The following DNAH6 variants were observed in gnomAD, a reference collection of about 807,000 sequenced individuals.
DNAH6 encodes the protein dynein axonemal heavy chain 6, also known as axonemal beta dynein heavy chain 6.
DNAH6 carries 340 observed loss-of-function variants against 491.4 expected under a neutral mutation model. That is an observed-to-expected ratio of 0.69 (90% CI 0.63 to 0.76). The LOEUF (loss-of-function observed/expected upper bound fraction) is 0.76. DNAH6 is among the 30% of genes least tolerant of loss of function. The pLI is 0.00. For missense variants in DNAH6, 4,443 were observed against 4,972.2 expected, an observed-to-expected ratio of 0.89 and a Z score of 3.20; for synonymous variants, 1,603 against 1,686.1, an observed-to-expected ratio of 0.95 and a Z score of 1.21.
At chr2:84,734,377 T>C (rs1558976133) in intron 62 of DNAH6, among the ~76,000 whole-genome samples, 1 of 152,062 alleles carries the variant, frequency 6.6e-6, no homozygotes, top group African/African-American at 2.4e-5. Flanking sequence ...CCTGACCTCA[T>C]GATCCGCCTG....
Position 84,808,452 on chromosome 2 carries a change from T to C in DNAH6, c.11649T>C (p.Phe3883=). 1 of 1,545,722 alleles carries C rather than the reference T, an allele frequency of 6.5e-7. No individual in the cohort carries two copies. Among genetic ancestry groups the C allele is most frequent in the South Asian group, 1.2e-5 (1 of 82,150 alleles). The change falls in exon 72 of 77, where the codon TTT becomes TTC. Residue 3883 remains phenylalanine, a synonymous_variant. Transcript: ENST00000389394. The part of the protein sequence containing the change: ...LEMEGASESL[F]VKDLQGRLNS... ...TGGAGGGTGCTTCTGAGAGCCTTTT[T>C]GTCAAGGATCTTCAAGGACGTCTGA...
At chr2:84,596,318 T>TTTG (rs1445191010) in intron 18 of DNAH6, among the ~76,000 whole-genome samples, 4 of 152,098 alleles carry the variant, frequency 2.6e-5, no homozygotes, top group Non-Finnish European at 2.9e-5. Flanking sequence ...TAGGGTGTTT[T>TTTG]TTGTTGTTGT....
At chr2:84,728,677 T>C (rs1309335483) in intron 61 of DNAH6, among the ~76,000 whole-genome samples, 1 of 152,238 alleles carries the variant, frequency 6.6e-6, no homozygotes, top group Admixed American at 6.5e-5. Flanking sequence ...TGTATCTCAT[T>C]ATAAAGCATG....
chr2:84,575,889 A>G (rs1272731707), intron 12 of DNAH6, among the ~76,000 whole-genome samples: 2 of 152,200 alleles, frequency 1.3e-5, no homozygotes, highest in Admixed American at 1.3e-4. Flanking sequence ...GTCTCAAAAA[A>G]AAAGGAGAAA....
Position 84,616,872 on chromosome 2 carries a change from T to G in DNAH6, c.3476-14T>G. 1 of 1,406,454 alleles carries G rather than the reference T, an allele frequency of 7.1e-7. No homozygotes were observed. The highest frequency in any genetic ancestry group is 1.6e-5 in the South Asian group (1 of 62,104). The allele number at this position is 1,406,454 out of a possible 1,614,324, so 87.1% of individuals were successfully genotyped here. A position where few individuals can be genotyped will look rare whatever the true frequency, so the allele number is the denominator to read the frequency against. Reference sequence around the variant, plus strand: ...AACACAGTTTTACCAATACTATTTTTTTTTAATGAACAGGACTTCTGGAAA... The same window carrying G: ...AACACAGTTTTACCAATACTATTTTGTTTTAATGAACAGGACTTCTGGAAA... On this transcript the variant is annotated splice_polypyrimidine_tract_variant and intron_variant, in intron 22 of 76. Transcript: ENST00000389394.
At chr2:84,640,733 G>C (rs963795923) in intron 32 of DNAH6, among the ~76,000 whole-genome samples, 155 bp downstream of exon 32, 5 of 152,190 alleles carry the variant, frequency 3.3e-5, no homozygotes, top group African/African-American at 4.8e-5. Flanking sequence ...ATGACAGATT[G>C]ACACAGGCTC....
chr2:84,497,450 A>G, the DNAH6 span, among the ~76,000 whole-genome samples: 16 of 152,190 alleles, frequency 1.1e-4, no homozygotes, highest in Non-Finnish European at 1.8e-4. Context: ...ACTTTGTTTC[A>G]TTTCGCAAGG....
Position 84,722,675 on chromosome 2 carries a change from G to A in DNAH6, c.9843G>A (p.Glu3281=), listed in dbSNP as rs1362751886. The A allele has an allele frequency of 6.4e-7, 1 of 1,550,860 alleles. No homozygotes were observed. The highest frequency in any genetic ancestry group is 1.2e-5 in the South Asian group (1 of 83,792). Residue 3281 remains glutamate, a synonymous_variant, in exon 60 of 77, where the codon GAG becomes GAA. Transcript: ENST00000389394. ...GGCTGGAAGAAGCAGAGTCCACTGA[G>A]CAGATGATCAATGTGGCTCGTGAGA... is the stretch of plus-strand genomic sequence containing the variant. ...KTRLEEAEST[E]QMINVAREKY... is the part of the protein sequence containing the mutation.
In DNAH6 at chr2:84,547,555, T is replaced by A; in HGVS notation, c.1129T>A (p.Phe377Ile). 6.4e-7 allele frequency: 1 copy of A among 1,551,848 alleles called. No individual in the cohort carries two copies. Among genetic ancestry groups the A allele is most frequent in the Non-Finnish European group, 8.7e-7 (1 of 1,146,986 alleles). The change falls in exon 7 of 77, where the codon TTT (phenylalanine) becomes ATT (isoleucine). Residue 377 changes from phenylalanine to isoleucine, a missense_variant. By Grantham distance (21) the Phe-to-Ile change is conservative. Coordinates refer to ENST00000389394, the MANE Select transcript of DNAH6 (RefSeq NM_001370.2). ...AKYVVRRACRFALRAAGFVPD... is the reference protein window; with the variant it reads ...AKYVVRRACRIALRAAGFVPD... ...ATATGTAGTCAGGAGGGCTTGTCGA[T>A]TTGCTTTGCGTGCTGCAGGATTTGT...
Position 84,722,639 on chromosome 2 carries a change from C to T in DNAH6, c.9807C>T (p.Ala3269=), listed in dbSNP as rs146647563. 822 of 1,548,650 alleles carry T rather than the reference C, an allele frequency of 5.3e-4. 7 individuals are homozygous for T. The African/African-American group carries it at 0.01, about 20-fold the overall frequency. ...TLQDSKITSG[A]IKTRLEEAES... is the part of the protein sequence containing the mutation. ...TGTTTATTCAGATCACTTCTGGTGC[C>T]ATTAAAACCAGGCTGGAAGAAGCAG... is the stretch of plus-strand genomic sequence containing the variant. Residue 3269 remains alanine (A), a synonymous_variant, in exon 60 of 77, where the codon GCC becomes GCT. Transcript: ENST00000389394.
chr2:84,636,596 A>G (rs1015133998), intron 30 of DNAH6, among the ~76,000 whole-genome samples: 1 of 152,196 alleles, frequency 6.6e-6, no homozygotes, highest in African/African-American at 2.4e-5. Context: ...GCTGTTAAGT[A>G]AAAGTGAAGG....
At chr2:84,608,824 A>G (rs1400329988) in intron 21 of DNAH6, among the ~76,000 whole-genome samples, 1 of 152,194 alleles carries the variant, frequency 6.6e-6, no homozygotes, top group Non-Finnish European at 1.5e-5. Context: ...GGCATTGGCT[A>G]ATCTTCATTA....
At chr2:84,620,362 A>G (rs987989501) in intron 24 of DNAH6, among the ~76,000 whole-genome samples, 2 of 152,196 alleles carry the variant, frequency 1.3e-5, no homozygotes, top group African/African-American at 4.8e-5. Context: ...AGCACTATTT[A>G]AGTGTTAGTT....
In DNAH6 at chr2:84,713,105, C is replaced by A; in HGVS notation, c.9389C>A (p.Thr3130Asn). ...GTTTTAATTTCTAAGCTTAAGGAAA[C>A]CTTGGATCCAGCTCTAGAACCCATT... ...LPVLLEELKE[T>N]LDPALEPILL... The change falls in exon 57 of 77, where the codon ACC becomes AAC. Residue 3130 changes from threonine (T) to asparagine (N), a missense_variant. Physicochemically the swap from Thr to Asn is moderately conservative, Grantham distance 65. Transcript: ENST00000389394. 1 of 1,550,386 alleles carries A rather than the reference C, an allele frequency of 6.5e-7. No homozygotes were observed. The highest frequency in any genetic ancestry group is 8.7e-7 in the Non-Finnish European group (1 of 1,146,448).
rs1283803037 is a variant in DNAH6 at position 84,553,370 on chromosome 2, TTTC to T, written c.1602+339_1602+341del. On this transcript the variant is annotated intron_variant, in intron 10 of 76. Coordinates refer to ENST00000389394, the MANE Select transcript of DNAH6 (RefSeq NM_001370.2). ...CTTTCTTTTCTTTTCTTTTCTTTTC[TTTC>T]TTTCTTTCTTTCTTTCTTTCTTTCT... Among the ~76,000 whole-genome samples, 15 of 10,838 alleles carry T rather than the reference TTTC, an allele frequency of 1.4e-3. No individual in the cohort carries two copies. In the South Asian group the frequency reaches 0.018, roughly 13 times the overall value. The allele number at this position is 10,838 out of a possible 152,430, so 7.1% of individuals were successfully genotyped here. A position where few individuals can be genotyped will look rare whatever the true frequency, so the allele number is the denominator to read the frequency against.
chr2:84,579,584 G>A lies in DNAH6; in HGVS notation c.2134G>A (p.Glu712Lys). The A allele has an allele frequency of 1.4e-5, 23 of 1,613,728 alleles. No homozygotes were observed. The highest frequency in any genetic ancestry group is 1.9e-5 in the Non-Finnish European group (23 of 1,179,812). Residue 712 changes from glutamate (E) to lysine (K), a missense_variant, in exon 14 of 77, where the codon GAG becomes AAG. By Grantham distance (56) the Glu-to-Lys change is moderately conservative. Around this residue, in one of 3 missense-constraint regions of DNAH6, gnomAD observed 2,977 missense variants for 3,296.6 expected, o/e 0.90. Transcript: ENST00000389394. Reference sequence around the variant, plus strand: ...GAAAAAAGTGGATGCCATTATCTTTGAGGCACAAGATGCAGAGTATAAACT... The same window carrying A: ...GAAAAAAGTGGATGCCATTATCTTTAAGGCACAAGATGCAGAGTATAAACT... ...SKKKVDAIIF[E>K]AQDAEYKLEF... is the part of the protein sequence containing the mutation.
intron 46 of DNAH6, among the ~76,000 whole-genome samples, chr2:84,697,354 G>A (rs1325114532): frequency 6.6e-6 from 1 of 152,106 alleles, no homozygotes; most frequent in Non-Finnish European, 1.5e-5. Context: ...CATATGACTT[G>A]ACCAAGGTAA....
At chr2:84,688,009 C>T (rs1026827518) in intron 44 of DNAH6, among the ~76,000 whole-genome samples, 5 of 151,952 alleles carry the variant, frequency 3.3e-5, no homozygotes, top group Non-Finnish European at 1.5e-5. Flanking sequence ...CAGAAGCGGG[C>T]AGATTATTTG....
At chr2:84,673,084 G>A (rs1333820860) in intron 40 of DNAH6, among the ~76,000 whole-genome samples, 1 of 152,146 alleles carries the variant, frequency 6.6e-6, no homozygotes, top group Non-Finnish European at 1.5e-5. Context: ...GGATTCAGGG[G>A]TGGGGCTGGG....
Sources: allele counts gnomAD v4.1 joint callset (sites outside exome capture counted in the v4.1 genomes callset), GRCh38; gene constraint gnomAD v4.1.1; regional missense constraint gnomAD v4.1.1; transcripts MANE v1.5; gene names NCBI Gene and HGNC (gene_info 2026-07-23, HGNC 2026-07-21).